The following SPEF2 variants were observed in gnomAD, a reference collection of about 807,000 sequenced individuals.
The protein encoded by SPEF2 is sperm flagella and cilia-associated protein 2.
SPEF2 carries 187 observed loss-of-function variants against 224.6 expected under a neutral mutation model. That is an observed-to-expected ratio of 0.83 (90% confidence interval 0.74 to 0.94). The LOEUF (loss-of-function observed/expected upper bound fraction) is 0.94, where lower values mean the gene tolerates loss of function less well. Ranked by LOEUF, SPEF2 falls within the 40% of genes least tolerant of loss-of-function variation. The probability of loss-of-function intolerance (pLI) is 0.00; values close to 1 mark genes in which losing one functional copy is unlikely to be tolerated. For synonymous variants in SPEF2, 715 were observed against 707.3 expected (o/e 1.01, Z -0.17); for missense variants, 2,170 against 2,135.6 (o/e 1.02, Z -0.32).
At position 35,732,397 on chromosome 5, in the gene SPEF2, A is replaced by G. The variant is rs577171682; in HGVS notation, c.3063+4574A>G. Among the ~76,000 whole-genome samples, 729 of 151,542 alleles carry G rather than the reference A, an allele frequency of 4.8e-3. 5 individuals are homozygous for G. The highest frequency in any genetic ancestry group is 0.017 in the African/African-American group (691 of 40,918). ...TTTAAAAATGGTCTTTAGCACCACTATGGATATCACTTTTTTTAAGAGAGA... is the reference window on the plus strand; with the variant it reads ...TTTAAAAATGGTCTTTAGCACCACTGTGGATATCACTTTTTTTAAGAGAGA... On this transcript the variant is annotated intron_variant, in intron 21 of 36. Transcript: ENST00000356031.
At chr5:35,780,782 G>A (rs552179986) in intron 30 of SPEF2, among the ~76,000 whole-genome samples, 71 of 152,136 alleles carry the variant, frequency 4.7e-4, no homozygotes, top group Non-Finnish European at 9.1e-4. Context: ...TGGTGACTGG[G>A]AGGAAATCAC....
chr5:35,812,260 GA>G (rs35646909), intron 36 of SPEF2, among the ~76,000 whole-genome samples: 1 of 151,976 alleles, frequency 6.6e-6, no homozygotes, highest in East Asian at 1.9e-4. Context: ...CTTGTCTTTG[GA>G]AAAAAAGAAG....
chr5:35,776,260 T>C lies in SPEF2; in HGVS notation c.4082T>C (p.Ile1361Thr). Residue 1361 changes from isoleucine (I) to threonine (T), a missense_variant, in exon 29 of 37, where the codon ATA becomes ACA. By Grantham distance (89) the Ile-to-Thr change is moderately conservative. Coordinates refer to ENST00000356031, the MANE Select transcript of SPEF2 (RefSeq NM_024867.4). ...TCTTATTTCTCTTTGCAAATAGAAATAGCCACGCAATTTCGACTTGAACTG... is the reference window on the plus strand; with the variant it reads ...TCTTATTTCTCTTTGCAAATAGAAACAGCCACGCAATTTCGACTTGAACTG... ...EHLAALQFEEIATQFRLELIK... is the reference protein window; with the variant it reads ...EHLAALQFEETATQFRLELIK... 1 of 1,603,706 alleles carries C rather than the reference T, an allele frequency of 6.2e-7. No individual in the cohort carries two copies. Among genetic ancestry groups the C allele is most frequent in the Non-Finnish European group, 8.5e-7 (1 of 1,176,832 alleles).
At chr5:35,643,134 G>A (rs902430137) in intron 3 of SPEF2, among the ~76,000 whole-genome samples, 5 of 152,216 alleles carry the variant, frequency 3.3e-5, no homozygotes, top group Non-Finnish European at 7.3e-5. Context: ...GCAGTCAACA[G>A]TGGCAAGTGC....
chr5:35,630,741 C>T (rs757961460), intron 2 of SPEF2, among the ~76,000 whole-genome samples: 4 of 152,098 alleles, frequency 2.6e-5, no homozygotes, highest in African/African-American at 7.2e-5. Context: ...AACCCTAAAT[C>T]GTCTCTCTCT....
intron 18 of SPEF2, among the ~76,000 whole-genome samples, chr5:35,706,398 C>A (rs1739780794): frequency 6.6e-6 from 1 of 151,964 alleles, no homozygotes; most frequent in African/African-American, 2.4e-5. Context: ...CTTCCTATTT[C>A]ATTCAACCAA....
chr5:35,667,684 T>C (rs1357584984), intron 9 of SPEF2, among the ~76,000 whole-genome samples: 1 of 152,124 alleles, frequency 6.6e-6, no homozygotes, highest in Admixed American at 6.6e-5. Context: ...CTTTATAAGT[T>C]GGACTTCCTC....
At chr5:35,810,155 T>C (rs1298344908) in intron 36 of SPEF2, among the ~76,000 whole-genome samples, 2 of 152,168 alleles carry the variant, frequency 1.3e-5, no homozygotes, top group East Asian at 1.9e-4. Context: ...CCTTCAAGAG[T>C]TAGCCTTTCC....
In SPEF2 at chr5:35,776,349, C is replaced by G. The variant is rs1240421241; in HGVS notation, c.4171C>G (p.Leu1391Val). ...LVTKVVDVYK[L>V]MEKWLGERYL... is the part of the protein sequence containing the mutation. ...AACAAAGGTGGTTGATGTATATAAA[C>G]TCATGGAAAAATGGCTTGGTGAGAG... The change falls in exon 29 of 37, where the codon CTC becomes GTC. Residue 1391 changes from leucine (L) to valine (V), a missense_variant. Coordinates refer to ENST00000356031, the MANE Select transcript of SPEF2 (RefSeq NM_024867.4). 19 of 1,612,156 alleles carry G rather than the reference C, an allele frequency of 1.2e-5. No individual in the cohort carries two copies. The East Asian group carries it at 4.2e-4, about 36-fold the overall frequency.
intron 34 of SPEF2, among the ~76,000 whole-genome samples, chr5:35,804,471 ACT>A (rs931718403): frequency 1.3e-5 from 2 of 151,914 alleles, no homozygotes; most frequent in Admixed American, 1.3e-4. Flanking sequence ...GCTTTCAGAG[ACT>A]CTGTTGGAGA....
chr5:35,660,702 A>T (rs1290968340), intron 8 of SPEF2, among the ~76,000 whole-genome samples: 1 of 152,202 alleles, frequency 6.6e-6, no homozygotes, highest in African/African-American at 2.4e-5. Flanking sequence ...AGTGGCATTT[A>T]CTTACATTAG....
At chr5:35,675,822 C>A (rs1751920802) in intron 10 of SPEF2, 1 of 429,086 alleles carries the variant, frequency 2.3e-6, no homozygotes, top group Non-Finnish European at 4.7e-6. Context: ...TCTATTTGCC[C>A]TAGGTCCGTG....
rs141293676 is a variant in SPEF2, at chr5:35,725,885, C to T, written c.2915-1790C>T. On this transcript the variant is annotated intron_variant, in intron 20 of 36. Transcript: ENST00000356031. The stretch of plus-strand genomic sequence containing the variant: ...AAAAATTGGTAATATGTACCTTCAC[C>T]ATATGCTAATCCATAGATTATTTTC... Among the ~76,000 whole-genome samples the T allele has an allele frequency of 1.2e-3, 181 of 152,210 alleles. 1 individual carries two copies. Among genetic ancestry groups the T allele is most frequent in the Non-Finnish European group, 2.2e-3 (148 of 67,992 alleles).
At chr5:35,623,980 A>G (rs931013973) in intron 1 of SPEF2, among the ~76,000 whole-genome samples, 1 of 152,234 alleles carries the variant, frequency 6.6e-6, no homozygotes, top group Non-Finnish European at 1.5e-5. Context: ...AACTATGGCT[A>G]CATAGTTGCC....
chr5:35,676,214 G>A lies in SPEF2; in HGVS notation c.1524+5987G>A, dbSNP rs375376940. Among the ~76,000 whole-genome samples the A allele has an allele frequency of 3.7e-4, 56 of 152,240 alleles. 2 individuals carry two copies. The South Asian group carries it at 0.01, about 28-fold the overall frequency. On this transcript the variant is annotated intron_variant, in intron 10 of 36. Transcript: ENST00000356031. ...ATTTTTATTTGTTCTTGATCACATA[G>A]AGAGAAGCCAGCCCTCTTCCAAGCT...
At chr5:35,664,855 G>A (rs746230693) in intron 8 of SPEF2, among the ~76,000 whole-genome samples, 7 of 138,284 alleles carry the variant, frequency 5.1e-5, no homozygotes, top group Admixed American at 1.5e-4. Flanking sequence ...AGAAAACGAG[G>A]GAGGAGAACT....
intron 10 of SPEF2, among the ~76,000 whole-genome samples, chr5:35,678,292 A>C (rs1376072973): frequency 3.9e-5 from 6 of 152,206 alleles, no homozygotes; most frequent in African/African-American, 1.4e-4. Flanking sequence ...ATTAACCATG[A>C]TATAGTTCCA....
intron 2 of SPEF2, among the ~76,000 whole-genome samples, chr5:35,632,701 A>G (rs1745303888): frequency 6.6e-6 from 1 of 152,148 alleles, no homozygotes; most frequent in African/African-American, 2.4e-5. Context: ...TGATGGCTAT[A>G]AATTTCCCTC....
chr5:35,646,641 T>C lies in SPEF2; in HGVS notation c.586-26T>C. On this transcript the variant is annotated intron_variant, in intron 4 of 36. Coordinates refer to ENST00000356031, the MANE Select transcript of SPEF2 (RefSeq NM_024867.4). Reference sequence around the variant, plus strand: ...TGCCTATTCTGTTATTCTGAATCACTAAACTAATGTATATGGGATATTCAG... The same window carrying C: ...TGCCTATTCTGTTATTCTGAATCACCAAACTAATGTATATGGGATATTCAG... 2.5e-6 allele frequency: 4 copies of C among 1,602,898 alleles called. No homozygotes were observed. In the Middle Eastern group the frequency reaches 5.0e-4, roughly 202 times the overall value.
Sources: allele counts gnomAD v4.1 joint callset (sites outside exome capture counted in the v4.1 genomes callset), GRCh38; gene constraint gnomAD v4.1.1; transcripts MANE v1.5; gene names NCBI Gene and HGNC (gene_info 2026-07-23, HGNC 2026-07-21).